NR5A2: variants seen among roughly 807,000 people sequenced by gnomAD.
The protein encoded by NR5A2 is nuclear receptor subfamily 5 group A member 2.
In NR5A2, 26 loss-of-function variants were observed where a neutral mutation model predicts 62.7. That is an observed-to-expected ratio of 0.41 (90% CI 0.30 to 0.58). The LOEUF is 0.58. Among genes scored for constraint, NR5A2 ranks in the 20% least tolerant of loss-of-function variants. The pLI, the probability that NR5A2 is intolerant of heterozygous loss-of-function variation, is 0.22. For synonymous variants in NR5A2, 246 were observed against 241.7 expected (o/e 1.02, Z -0.16); for missense variants, 541 against 669.1 (o/e 0.81, Z 2.11).
At chr1:200,074,701 C>T (rs1170091622) in intron 5 of NR5A2, among the ~76,000 whole-genome samples, 2 of 129,198 alleles carry the variant, frequency 1.5e-5, no homozygotes, top group Admixed American at 8.8e-5. Flanking sequence ...CACACCACTG[C>T]ACTCCAGTCT....
intron 5 of NR5A2, chr1:200,057,537 G>T: frequency 3.5e-6 from 1 of 289,108 alleles, no homozygotes; most frequent in South Asian, 2.8e-5. Context: ...GGAGTGCAGT[G>T]GCACGATCTT....
intron 5 of NR5A2, among the ~76,000 whole-genome samples, chr1:200,049,476 T>C (rs79553773): frequency 0.028 from 4,270 of 152,290 alleles, 208 homozygotes; most frequent in African/African-American, 0.097. Context: ...TTGATTTTAG[T>C]GGACTGGTAC....
intron 5 of NR5A2, among the ~76,000 whole-genome samples, chr1:200,076,554 T>C (rs981719657): frequency 8.5e-5 from 13 of 152,268 alleles, no homozygotes; most frequent in Non-Finnish European, 1.5e-5. Context: ...ACTATTATAG[T>C]ATCTTTTTCA....
At chr1:200,084,174 T>C (rs1038288514) in intron 5 of NR5A2, among the ~76,000 whole-genome samples, 1 of 152,072 alleles carries the variant, frequency 6.6e-6, no homozygotes, top group African/African-American at 2.4e-5. Context: ...ATCATATTTA[T>C]ATCTATTTTA....
intron 7 of NR5A2, among the ~76,000 whole-genome samples, chr1:200,126,728 A>ATGTTT (rs1666722110): frequency 6.7e-6 from 1 of 149,430 alleles, no homozygotes; most frequent in Admixed American, 6.7e-5. Flanking sequence ...AGGTCTCACT[A>ATGTTT]TGTTGCCCAG....
chr1:200,114,095 A>C (rs1427291563), intron 6 of NR5A2, among the ~76,000 whole-genome samples: 1 of 152,106 alleles, frequency 6.6e-6, no homozygotes, highest in Non-Finnish European at 1.5e-5. Context: ...AGGCAGGAGA[A>C]TCGCTTGAAC....
chr1:200,153,307 T>A (rs1211532692), intron 7 of NR5A2, among the ~76,000 whole-genome samples: 1 of 152,244 alleles, frequency 6.6e-6, no homozygotes, highest in African/African-American at 2.4e-5. Context: ...TCTTTCCACA[T>A]GCTTTTTTCA....
In NR5A2 at chr1:200,174,155, G is replaced by C. The variant is rs1654315380; in HGVS notation, c.1571G>C (p.Gly524Ala). The change falls in exon 8 of 8, where the codon GGG becomes GCG. Residue 524 changes from glycine to alanine, a missense_variant. Coordinates refer to ENST00000367362, the MANE Select transcript of NR5A2 (RefSeq NM_205860.3). ...EEYLYYKHLNGDVPYNNLLIE... is the reference protein window; with the variant it reads ...EEYLYYKHLNADVPYNNLLIE... ...TACCTCTACTACAAGCACCTGAACG[G>C]GGATGTGCCCTATAATAACCTTCTC... is the stretch of plus-strand genomic sequence containing the variant. The C allele has an allele frequency of 1.2e-6, 2 of 1,613,374 alleles. No homozygotes were observed. Among genetic ancestry groups the C allele is most frequent in the Non-Finnish European group, 1.7e-6 (2 of 1,179,798 alleles).
At position 200,052,924 on chromosome 1, in the gene NR5A2, G is replaced by T. The variant is rs559976492; in HGVS notation, c.1110+4106G>T. Among the ~76,000 whole-genome samples the T allele has an allele frequency of 1.8e-4, 27 of 152,318 alleles. No individual in the cohort carries two copies. In the South Asian group the frequency reaches 3.7e-3, roughly 21 times the overall value. On this transcript the variant is annotated intron_variant, in intron 5 of 7. Transcript: ENST00000367362. ...CAAAGTTCTGGGATTATAGGCATGAGCCACCGCACCCGGCCTACCTCTTGC... is the reference window on the plus strand; with the variant it reads ...CAAAGTTCTGGGATTATAGGCATGATCCACCGCACCCGGCCTACCTCTTGC...
intron 7 of NR5A2, among the ~76,000 whole-genome samples, chr1:200,135,640 T>C (rs1335923029): frequency 6.6e-6 from 1 of 152,202 alleles, no homozygotes; most frequent in Non-Finnish European, 1.5e-5. Flanking sequence ...ACTGCAAACT[T>C]GAATTCAGAT....
chr1:200,029,274 T>C (rs1443822747), intron 1 of NR5A2: 4 of 182,246 alleles, frequency 2.2e-5, no homozygotes, highest in African/African-American at 9.6e-5. Flanking sequence ...CTTGGGCTCC[T>C]GCTGCGCGCA....
intron 5 of NR5A2, among the ~76,000 whole-genome samples, chr1:200,068,451 TG>T (rs112708809): frequency 7.9e-5 from 12 of 152,204 alleles, no homozygotes; most frequent in African/African-American, 2.7e-4. Flanking sequence ...TCTAGTCATT[TG>T]GAAAAAAAAA....
At chr1:200,081,805 T>C (rs1189455026) in intron 5 of NR5A2, among the ~76,000 whole-genome samples, 1 of 151,444 alleles carries the variant, frequency 6.6e-6, no homozygotes, top group African/African-American at 2.4e-5. Context: ...GAGGCATACT[T>C]AGCACTCTGT....
intron 1 of NR5A2, chr1:200,029,055 A>G (rs1339873208): frequency 2.2e-6 from 1 of 448,660 alleles, no homozygotes; most frequent in South Asian, 1.6e-5. Flanking sequence ...ATACAGGCAC[A>G]AGAAAGATGA....
intron 7 of NR5A2, among the ~76,000 whole-genome samples, chr1:200,169,658 C>G (rs1246884344): frequency 6.6e-6 from 1 of 152,086 alleles, no homozygotes; most frequent in African/African-American, 2.4e-5. Flanking sequence ...GTAATTAGTC[C>G]CTGAGTGAAT....
intron 5 of NR5A2, among the ~76,000 whole-genome samples, chr1:200,071,596 T>G (rs17723631): frequency 0.098 from 14,851 of 152,274 alleles, 932 homozygotes; most frequent in Middle Eastern, 0.15. Context: ...TCTTTTGGTT[T>G]GATCAGGTTT....
At chr1:200,068,925 C>T (rs1558118971) in intron 5 of NR5A2, among the ~76,000 whole-genome samples, 1 of 152,036 alleles carries the variant, frequency 6.6e-6, no homozygotes, top group Non-Finnish European at 1.5e-5. Context: ...AAATATTAAC[C>T]CCAGACATCT....
chr1:200,086,299 G>A (rs1250705573), intron 5 of NR5A2, among the ~76,000 whole-genome samples: 6 of 151,856 alleles, frequency 4.0e-5, no homozygotes, highest in African/African-American at 1.2e-4. Flanking sequence ...AATGAGTTCC[G>A]GAAACTTTTT....
Position 200,120,868 on chromosome 1 carries a change from G to A in NR5A2, c.1291G>A (p.Ala431Thr). 6.2e-7 allele frequency: 1 copy of A among 1,610,000 alleles called. No individual in the cohort carries two copies. Among genetic ancestry groups the A allele is most frequent in the African/African-American group, 1.3e-5 (1 of 74,862 alleles). The change falls in exon 7 of 8, where the codon GCA becomes ACA. Residue 431 changes from alanine to threonine, a missense_variant. By Grantham distance (58) the Ala-to-Thr change is moderately conservative (BLOSUM62 0). This residue lies in a region of NR5A2 where 379 missense variants were observed against 442.0 expected (regional missense o/e 0.86). Coordinates refer to ENST00000367362, the MANE Select transcript of NR5A2 (RefSeq NM_205860.3). Reference protein sequence around the residue: ...GATLNNLMSHAQELVAKLRSL... With the variant: ...GATLNNLMSHTQELVAKLRSL... ...CACCCTCAACAACCTCATGAGTCATGCACAGGAGTTAGTGGCAAAACTTCG... is the reference window on the plus strand; with the variant it reads ...CACCCTCAACAACCTCATGAGTCATACACAGGAGTTAGTGGCAAAACTTCG...
Sources: gnomAD v4.1 joint callset for allele counts (sites outside exome capture counted in the v4.1 genomes callset) on GRCh38, gnomAD v4.1.1 for gene constraint, gnomAD v4.1.1 regional missense constraint, MANE v1.5 for transcripts, NCBI Gene and HGNC (gene_info 2026-07-23, HGNC 2026-07-21) for gene names.